The following ADGRL3 variants were observed in gnomAD, a reference collection of about 807,000 sequenced individuals.
The protein encoded by ADGRL3 is calcium-independent alpha-latrotoxin receptor 3.
Under a neutral mutation model 153.5 loss-of-function variants are expected in ADGRL3, and 62 were observed. That is an observed-to-expected ratio of 0.40 (90% CI 0.33 to 0.50). The LOEUF (loss-of-function observed/expected upper bound fraction) is 0.50, where lower values mean the gene tolerates loss of function less well. Ranked by LOEUF, ADGRL3 falls within the 20% of genes least tolerant of loss-of-function variation. The pLI, the probability that ADGRL3 is intolerant of heterozygous loss-of-function variation, is 0.47. For synonymous variants in ADGRL3, 710 were observed against 672.5 expected, an observed-to-expected ratio of 1.06 and a Z score of -0.86; for missense variants, 1,641 against 1,859.4, an observed-to-expected ratio of 0.88 and a Z score of 2.16.
chr4:61,753,347 T>C (rs865861761), intron 8 of ADGRL3, among the ~76,000 whole-genome samples: 1 of 152,202 alleles, frequency 6.6e-6, no homozygotes, highest in Non-Finnish European at 1.5e-5. Context: ...CAAAGTGTCT[T>C]TAGATGATGG....
chr4:61,597,943 T>C (rs1360020522), intron 5 of ADGRL3, among the ~76,000 whole-genome samples: 1 of 152,124 alleles, frequency 6.6e-6, no homozygotes, highest in Non-Finnish European at 1.5e-5. Flanking sequence ...TCTGTACATA[T>C]TTTAGAAATT....
At chr4:61,209,464 G>A (rs1416267461) in intron 1 of ADGRL3, among the ~76,000 whole-genome samples, 1 of 152,044 alleles carries the variant, frequency 6.6e-6, no homozygotes, top group Non-Finnish European at 1.5e-5. Flanking sequence ...AAATGTCCTT[G>A]AGTACCATTA....
chr4:61,202,558 G>C lies in ADGRL3; in HGVS notation c.-240+793G>C, dbSNP rs1004282930. 2.0e-5 allele frequency among the ~76,000 whole-genome samples: 3 copies of C among 152,166 alleles called. No homozygotes were observed. The highest frequency in any genetic ancestry group is 7.2e-5 in the African/African-American group (3 of 41,446). On this transcript the variant is annotated intron_variant, in intron 1 of 26. Coordinates refer to ENST00000683033, the MANE Select transcript of ADGRL3 (RefSeq NM_001387552.1). The surrounding 1 kb of genome is among the most constrained non-coding windows in gnomAD (Gnocchi z 5.0). ...ATCCGGGCGGCCGCGGCGCCGGGGC[G>C]GGGTGGGCAGAGCATTGGTGGTCGC...
intron 5 of ADGRL3, among the ~76,000 whole-genome samples, chr4:61,655,324 C>T (rs2094412534): frequency 6.6e-6 from 1 of 152,072 alleles, no homozygotes; most frequent in African/African-American, 2.4e-5. Flanking sequence ...GGATACAAGC[C>T]TGCCTCTCTG....
intron 6 of ADGRL3, among the ~76,000 whole-genome samples, chr4:61,689,135 T>A (rs1241776006): frequency 2.6e-5 from 4 of 152,130 alleles, no homozygotes; most frequent in Non-Finnish European, 5.9e-5. Flanking sequence ...GTTGATATGC[T>A]GGTACTGACA....
At chr4:61,620,516 G>A (rs1182767895) in intron 5 of ADGRL3, among the ~76,000 whole-genome samples, 5 of 151,954 alleles carry the variant, frequency 3.3e-5, no homozygotes, top group African/African-American at 9.7e-5. Context: ...ACTTGAAGCC[G>A]GGTACCAGTG....
chr4:61,634,897 C>A (rs1211977264), intron 5 of ADGRL3, among the ~76,000 whole-genome samples: 2 of 152,138 alleles, frequency 1.3e-5, no homozygotes, highest in Non-Finnish European at 2.9e-5. Flanking sequence ...GAACATTTTT[C>A]ATTTGAAATC....
At chr4:61,576,227 GTTTC>G (rs2098879772) in intron 4 of ADGRL3, among the ~76,000 whole-genome samples, 1 of 151,990 alleles carries the variant, frequency 6.6e-6, no homozygotes, top group African/African-American at 2.4e-5. Context: ...AGAGGTGACA[GTTTC>G]TTTCTAAACC....
chr4:61,220,512 T>C (rs570361057), intron 1 of ADGRL3, among the ~76,000 whole-genome samples: 1 of 152,210 alleles, frequency 6.6e-6, no homozygotes, highest in South Asian at 2.1e-4. Flanking sequence ...AATTCAGTCA[T>C]GTAATCTAAT....
At chr4:61,410,456 A>G (rs1290290598) in intron 2 of ADGRL3, among the ~76,000 whole-genome samples, 1 of 152,070 alleles carries the variant, frequency 6.6e-6, no homozygotes, top group Non-Finnish European at 1.5e-5. Flanking sequence ...AAAAATAAGG[A>G]TATTCTCTTA....
At chr4:61,506,258 A>G (rs1560749351) in intron 3 of ADGRL3, among the ~76,000 whole-genome samples, 1 of 152,130 alleles carries the variant, frequency 6.6e-6, no homozygotes, top group Non-Finnish European at 1.5e-5. Context: ...TCCTGGCAGA[A>G]TGGGGTCATT....
At chr4:61,327,080 T>C (rs1014959689) in intron 1 of ADGRL3, among the ~76,000 whole-genome samples, 4 of 152,034 alleles carry the variant, frequency 2.6e-5, no homozygotes, top group African/African-American at 4.8e-5. Context: ...ACTATATATT[T>C]CACTTCACAC....
chr4:61,414,488 T>C (rs1560594297), intron 2 of ADGRL3, among the ~76,000 whole-genome samples: 2 of 152,152 alleles, frequency 1.3e-5, no homozygotes, highest in African/African-American at 4.8e-5. Flanking sequence ...AATTTCTTTA[T>C]TCTTCTCCTC....
chr4:61,493,083 AAAC>A (rs1246328156), intron 2 of ADGRL3, among the ~76,000 whole-genome samples: 3 of 152,190 alleles, frequency 2.0e-5, no homozygotes, highest in Admixed American at 2.0e-4. Flanking sequence ...TTCTTTTAAA[AAAC>A]TGTTATAATT....
intron 5 of ADGRL3, among the ~76,000 whole-genome samples, chr4:61,625,425 A>G (rs1443214191): frequency 2.0e-5 from 3 of 152,108 alleles, no homozygotes; most frequent in Admixed American, 6.6e-5. Flanking sequence ...TTGTTAGAAT[A>G]AAGCATATAA....
At chr4:62,058,185 G>A in intron 25 of ADGRL3, among the ~76,000 whole-genome samples, 1 of 151,674 alleles carries the variant, frequency 6.6e-6, no homozygotes, top group Non-Finnish European at 1.5e-5. Context: ...ATGGCAAGTA[G>A]TGAGTTGTTT....
chr4:61,747,471 A>C (rs1454352764), intron 8 of ADGRL3, among the ~76,000 whole-genome samples: 1 of 150,434 alleles, frequency 6.6e-6, no homozygotes, highest in Non-Finnish European at 1.5e-5. Flanking sequence ...AAATACTGGC[A>C]AACCAAATCC....
chr4:62,033,061 G>A (rs935234022), intron 23 of ADGRL3, among the ~76,000 whole-genome samples: 1 of 151,752 alleles, frequency 6.6e-6, no homozygotes, highest in African/African-American at 2.4e-5. Flanking sequence ...ACAGAAGCCT[G>A]CCTAAACATA....
At chr4:61,479,507 A>G (rs2098108771) in intron 2 of ADGRL3, among the ~76,000 whole-genome samples, 1 of 152,142 alleles carries the variant, frequency 6.6e-6, no homozygotes, top group African/African-American at 2.4e-5. Context: ...TGATTCTTAA[A>G]GGGGATCTAT....
Sources: gnomAD v4.1 joint callset for allele counts (sites outside exome capture counted in the v4.1 genomes callset) on GRCh38, gnomAD v4.1.1 for gene constraint, Gnocchi (gnomAD v3.1) non-coding constraint, MANE v1.5 for transcripts, NCBI Gene and HGNC (gene_info 2026-07-23, HGNC 2026-07-21) for gene names.